The following TRAPPC9 variants were observed in gnomAD, a reference collection of about 807,000 sequenced individuals.
TRAPPC9 encodes the protein trafficking protein particle complex subunit 9, also known as IKK2 binding protein.
In TRAPPC9, 83 loss-of-function variants were observed where a neutral mutation model predicts 124.0. The observed-to-expected ratio is 0.67, with a 90% CI of 0.56 to 0.80. The LOEUF is 0.80. Ranked by LOEUF, TRAPPC9 falls within the 30% of genes least tolerant of loss-of-function variation. The pLI is 0.00. For synonymous variants in TRAPPC9, 638 were observed against 617.5 expected (o/e 1.03, Z -0.49); for missense variants, 1,302 against 1,508.3 (o/e 0.86, Z 2.27).
intron 18 of TRAPPC9, among the ~76,000 whole-genome samples, chr8:140,018,843 C>T (rs1329977659): frequency 6.6e-6 from 1 of 151,434 alleles, no homozygotes; most frequent in East Asian, 1.9e-4. Context: ...CTGATTAGGA[C>T]TGCCAGAAAA....
rs571645771 is a variant in TRAPPC9 at position 139,729,470 on chromosome 8, C to T, written c.*1591G>A. Among the ~76,000 whole-genome samples, 140 of 152,360 alleles carry T rather than the reference C, an allele frequency of 9.2e-4. No individual in the cohort carries two copies. The highest frequency in any genetic ancestry group is 3.2e-3 in the African/African-American group (131 of 41,582). Reference sequence around the variant, plus strand: ...GTCTCCACCCCCTACTGCAGCCAGACCTTCTGGGGCTGCCTTCCCTGGGGA... The same window carrying T: ...GTCTCCACCCCCTACTGCAGCCAGATCTTCTGGGGCTGCCTTCCCTGGGGA... On this transcript the variant is annotated 3_prime_UTR_variant, in exon 23 of 23. Transcript: ENST00000438773.
At chr8:139,955,304 T>A (rs909874856) in intron 19 of TRAPPC9, among the ~76,000 whole-genome samples, 1 of 151,918 alleles carries the variant, frequency 6.6e-6, no homozygotes, top group Non-Finnish European at 1.5e-5. Flanking sequence ...GTTCTTGAGG[T>A]TCAGTTCAGG....
At chr8:139,857,758 G>A (rs1323490240) in intron 21 of TRAPPC9, among the ~76,000 whole-genome samples, 1 of 152,244 alleles carries the variant, frequency 6.6e-6, no homozygotes, top group African/African-American at 2.4e-5. Flanking sequence ...TGGGCTGCCT[G>A]CCAACAGCTG....
intron 18 of TRAPPC9, among the ~76,000 whole-genome samples, chr8:140,003,268 T>C (rs1184188603): frequency 6.6e-6 from 1 of 152,098 alleles, no homozygotes; most frequent in East Asian, 1.9e-4. Flanking sequence ...ATCAATGTCA[T>C]TCATCACTAA....
chr8:140,406,043 T>C (rs1177098177), intron 5 of TRAPPC9, among the ~76,000 whole-genome samples: 1 of 152,216 alleles, frequency 6.6e-6, no homozygotes, highest in Non-Finnish European at 1.5e-5. Context: ...AAGCTCTTCA[T>C]GTTAGCAAGA....
intron 1 of TRAPPC9, among the ~76,000 whole-genome samples, chr8:140,454,789 A>G (rs2071594551): frequency 6.6e-6 from 1 of 151,778 alleles, no homozygotes; most frequent in Non-Finnish European, 1.5e-5. Context: ...AAATACAAAA[A>G]TTAGCCAGGC....
intron 17 of TRAPPC9, among the ~76,000 whole-genome samples, chr8:140,161,372 G>A (rs1372531098): frequency 3.3e-5 from 5 of 151,854 alleles, no homozygotes; most frequent in Admixed American, 6.6e-5. Flanking sequence ...ATACAGGTCA[G>A]GTATCCCCTA....
rs59393001 is a variant in TRAPPC9, at chr8:140,446,293, C to CAAAAAAAAA, written c.584+4488_584+4496dup. Among the ~76,000 whole-genome samples the CAAAAAAAAA allele has an allele frequency of 7.2e-5, 8 of 110,368 alleles. 2 individuals carry two copies. The highest frequency in any genetic ancestry group is 5.5e-5 in the Non-Finnish European group (3 of 54,888). The allele number at this position is 110,368 out of a possible 152,430, so 72.4% of individuals were successfully genotyped here. A position where few individuals can be genotyped will look rare whatever the true frequency, so the allele number is the denominator to read the frequency against. ...TGGGCGAAAGAGTAAGACTCTGTCT[C>CAAAAAAAAA]AAAAAAAAAAAAAAAAAAAGCAGAC... On this transcript the variant is annotated intron_variant, in intron 2 of 22. Coordinates refer to ENST00000438773, the MANE Select transcript of TRAPPC9 (RefSeq NM_001160372.4).
At chr8:140,071,469 A>G (rs891980816) in intron 17 of TRAPPC9, among the ~76,000 whole-genome samples, 2 of 152,222 alleles carry the variant, frequency 1.3e-5, no homozygotes, top group African/African-American at 4.8e-5. Flanking sequence ...ACACGGGCTC[A>G]AGCGTGCAGT....
intron 7 of TRAPPC9, among the ~76,000 whole-genome samples, chr8:140,385,542 T>C (rs972263013): frequency 1.6e-4 from 25 of 152,142 alleles, no homozygotes; most frequent in Non-Finnish European, 3.1e-4. Flanking sequence ...TAAACACCTC[T>C]ATGCAAATAA....
intron 7 of TRAPPC9, among the ~76,000 whole-genome samples, chr8:140,380,799 C>T (rs972833945): frequency 6.6e-6 from 1 of 151,708 alleles, no homozygotes; most frequent in Non-Finnish European, 1.5e-5. Flanking sequence ...ATCTTAATGA[C>T]CTCGGGTTAG....
intron 11 of TRAPPC9, among the ~76,000 whole-genome samples, chr8:140,298,371 G>A (rs1251875291): frequency 2.0e-5 from 3 of 152,204 alleles, no homozygotes; most frequent in Non-Finnish European, 4.4e-5. Flanking sequence ...ACAATGTGCT[G>A]GCTGGACGCA....
At chr8:139,785,569 C>CAG (rs1463354349) in intron 21 of TRAPPC9, among the ~76,000 whole-genome samples, 1 of 146,966 alleles carries the variant, frequency 6.8e-6, no homozygotes, top group Non-Finnish European at 1.5e-5. Flanking sequence ...CACACACACA[C>CAG]ACACACACAA....
At position 140,170,544 on chromosome 8, in the gene TRAPPC9, T is replaced by C. The variant is rs115177068; in HGVS notation, c.2556+50915A>G. On this transcript the variant is annotated intron_variant, in intron 17 of 22. Transcript: ENST00000438773. ...AAAATAGTCTTTACCTCTCAGGAAC[T>C]TGAAACCCAATTAGGGGGACATATA... Among the ~76,000 whole-genome samples, 630 of 152,202 alleles carry C rather than the reference T, an allele frequency of 4.1e-3. 6 individuals carry two copies. The highest frequency in any genetic ancestry group is 0.014 in the African/African-American group (590 of 41,514).
intron 17 of TRAPPC9, among the ~76,000 whole-genome samples, chr8:140,149,464 A>T (rs2061509147): frequency 6.6e-6 from 1 of 152,090 alleles, no homozygotes; most frequent in Admixed American, 6.5e-5. Context: ...TACTAAAAAT[A>T]CAGAAATTAG....
chr8:140,091,186 C>T (rs1011032232), intron 17 of TRAPPC9, among the ~76,000 whole-genome samples: 1 of 152,128 alleles, frequency 6.6e-6, no homozygotes, highest in Non-Finnish European at 1.5e-5. Context: ...GGCAGCCTGG[C>T]CCCATGCATG....
chr8:140,013,771 T>G (rs564957433), intron 18 of TRAPPC9, among the ~76,000 whole-genome samples: 18 of 152,356 alleles, frequency 1.2e-4, no homozygotes, highest in African/African-American at 4.1e-4. Flanking sequence ...CTGCCTTGTG[T>G]CAGGCACTGT....
At chr8:140,202,163 T>TA (rs397698897) in intron 17 of TRAPPC9, among the ~76,000 whole-genome samples, 53,657 of 135,766 alleles carry the variant, frequency 0.4, 10,159 homozygotes, top group East Asian at 0.6. Flanking sequence ...CTTCTGTAAT[T>TA]AAAAAAAAAA....
At chr8:140,238,780 C>A (rs2063784827) in intron 16 of TRAPPC9, among the ~76,000 whole-genome samples, 1 of 152,204 alleles carries the variant, frequency 6.6e-6, no homozygotes, top group Admixed American at 6.5e-5. Flanking sequence ...GTTGGATATA[C>A]TGAAAATTAA....
Sources: gnomAD v4.1 joint callset for allele counts (sites outside exome capture counted in the v4.1 genomes callset) on GRCh38, gnomAD v4.1.1 for gene constraint, MANE v1.5 for transcripts, NCBI Gene and HGNC (gene_info 2026-07-23, HGNC 2026-07-21) for gene names.